TMEM132A: variants seen among roughly 807,000 people sequenced by gnomAD.
TMEM132A encodes GRP78-binding protein.
TMEM132A carries 48 observed loss-of-function variants against 69.9 expected under a neutral mutation model. The observed-to-expected ratio is 0.69, with a 90% CI of 0.55 to 0.87. The LOEUF (loss-of-function observed/expected upper bound fraction) is 0.87. Among genes scored for constraint, TMEM132A ranks in the 40% least tolerant of loss-of-function variants. TMEM132A has a pLI of 0.00. For synonymous variants in TMEM132A, 577 were observed against 613.7 expected (o/e 0.94, Z 0.88); for missense variants, 1,287 against 1,407.2 (o/e 0.91, Z 1.37).
In TMEM132A at chr11:60,936,648, CT is replaced by C; in HGVS notation, c.2814del (p.Gly939AlafsTer25). 1.9e-6 allele frequency: 3 copies of C among 1,555,058 alleles called. No homozygotes were observed. The highest frequency in any genetic ancestry group is 2.6e-6 in the Non-Finnish European group (3 of 1,151,968). On this transcript the variant is annotated frameshift_variant, in exon 11 of 11. Transcript: ENST00000453848. LOFTEE classifies it high-confidence loss of function. The part of the protein sequence containing the change: ...GGGGEAPTLA[P>X]GPPGGTTSSS... ...GGAGGGGAGGCCCCTACCCTGGCCC[CT>C]GGCCCTCCTGGGGGCACCACCAGCT...
At chr11:60,927,883 G>A in intron 3 of TMEM132A, 24 bp downstream of exon 3, 1 of 1,578,742 alleles carries the variant, frequency 6.3e-7, no homozygotes. Context: ...CCCCACCTAG[G>A]CTGGTCCTGC....
In TMEM132A at chr11:60,933,794, A is replaced by T. The variant is rs374437234; in HGVS notation, c.1559+50A>T. 3.6e-5 allele frequency: 54 copies of T among 1,503,036 alleles called. No individual in the cohort carries two copies. In the African/African-American group the frequency reaches 7.2e-4, roughly 20 times the overall value. The allele number at this position is 1,503,036 out of a possible 1,614,324, so 93.1% of individuals were successfully genotyped here. Reference sequence around the variant, plus strand: ...GCAGGCCTTGGCGAGTCACACTGGGACGGAGAGGGCGCAGGGGACACAGCC... The same window carrying T: ...GCAGGCCTTGGCGAGTCACACTGGGTCGGAGAGGGCGCAGGGGACACAGCC... On this transcript the variant is annotated intron_variant, in intron 8 of 10. Transcript: ENST00000453848.
chr11:60,935,857 C>T lies in TMEM132A; in HGVS notation c.2029-7C>T, dbSNP rs1376353941. On this transcript the variant is annotated splice_polypyrimidine_tract_variant and splice_region_variant and intron_variant, in intron 10 of 10. Coordinates refer to ENST00000453848, the MANE Select transcript of TMEM132A (RefSeq NM_178031.3). The surrounding 1 kb of genome is among the most constrained non-coding windows in gnomAD (Gnocchi z 5.0). ...CATGTCTCTGCCTGTGTCTGTGTGC[C>T]CCACAGGAGGTGGCCCTCTCCCTAT... The T allele has an allele frequency of 6.2e-7, 1 of 1,611,012 alleles. No homozygotes were observed. Among genetic ancestry groups the T allele is most frequent in the Non-Finnish European group, 8.5e-7 (1 of 1,179,542 alleles).
chr11:60,929,024 A>T lies in TMEM132A; in HGVS notation c.866+64A>T, dbSNP rs544722598. The stretch of plus-strand genomic sequence containing the variant: ...CTCTGTGGGAAGACTAGGGACAGGT[A>T]CCTGCTCCTCCTGGGGTCCTTGCTG... On this transcript the variant is annotated intron_variant, in intron 4 of 10. Transcript: ENST00000453848. 7 of 1,537,874 alleles carry T rather than the reference A, an allele frequency of 4.6e-6. No homozygotes were observed. In the South Asian group the frequency reaches 7.8e-5, roughly 17 times the overall value.
Position 60,933,622 on chromosome 11 carries a change from G to T in TMEM132A, c.1437G>T (p.Trp479Cys). 6.2e-7 allele frequency: 1 copy of T among 1,606,076 alleles called. No individual in the cohort carries two copies. The change falls in exon 8 of 11, where the codon TGG becomes TGT. Residue 479 changes from tryptophan (W) to cysteine (C), a missense_variant. By Grantham distance (215) the Trp-to-Cys change is radical (BLOSUM62 -2). Transcript: ENST00000453848. ...GGGGGGTGCGAGTGGACTTCTGGTG[G>T]CGCCGGCTCCGCGCCTCGCTGCGGC... ...GARGVRVDFWWRRLRASLRLT... is the reference protein window; with the variant it reads ...GARGVRVDFWCRRLRASLRLT...
At chr11:60,930,914 C>A (rs1590626113) in intron 5 of TMEM132A, among the ~76,000 whole-genome samples, 1 of 152,314 alleles carries the variant, frequency 6.6e-6, no homozygotes, top group East Asian at 1.9e-4. Flanking sequence ...AGATGCCAAC[C>A]AATCCTGTGC....
At chr11:60,931,608 A>G in intron 5 of TMEM132A, 81 bp from the exon 6 acceptor site, 22 of 1,375,094 alleles carry the variant, frequency 1.6e-5, no homozygotes, top group Non-Finnish European at 2.1e-5. Flanking sequence ...TAAAATGGGG[A>G]TAATCATGAA....
chr11:60,932,046 T>G lies in TMEM132A; in HGVS notation c.1275T>G (p.Leu425=). ...TGVPQHVPVR[L]VTVDGGGALV... The stretch of plus-strand genomic sequence containing the variant: ...TGCCCCAGCATGTCCCCGTGCGCCT[T>G]GTCACTGTGGACGGCGGGGGGGCCT... The change falls in exon 7 of 11, where the codon CTT becomes CTG. Residue 425 remains leucine, a synonymous_variant. Transcript: ENST00000453848. 1 of 1,595,650 alleles carries G rather than the reference T, an allele frequency of 6.3e-7. No homozygotes were observed. Among genetic ancestry groups the G allele is most frequent in the Non-Finnish European group, 8.5e-7 (1 of 1,171,718 alleles).
intron 3 of TMEM132A, 41 bp from the exon 4 acceptor site, chr11:60,928,588 C>A (rs751940856): frequency 6.4e-7 from 1 of 1,571,700 alleles, no homozygotes. Context: ...CCTCGCCCTG[C>A]ACCCACCCCC....
intron 1 of TMEM132A, chr11:60,925,211 TC>T (rs1027276871): frequency 6.5e-6 from 1 of 153,456 alleles, no homozygotes; most frequent in African/African-American, 2.4e-5. Flanking sequence ...CCCCCAGGGC[TC>T]CCTGACCTTG....
In TMEM132A at chr11:60,927,737, T is replaced by C. The variant is rs1856379353; in HGVS notation, c.412T>C (p.Tyr138His). 1 of 1,613,500 alleles carries C rather than the reference T, an allele frequency of 6.2e-7. No individual in the cohort carries two copies. The highest frequency in any genetic ancestry group is 8.5e-7 in the Non-Finnish European group (1 of 1,180,022). The change falls in exon 3 of 11, where the codon TAC (tyrosine) becomes CAC (histidine). Residue 138 changes from tyrosine to histidine, a missense_variant. Tyr to His is a moderately conservative substitution (Grantham distance 83). Coordinates refer to ENST00000453848, the MANE Select transcript of TMEM132A (RefSeq NM_178031.3). ...VEAAVTPAEPYARVLFHLKGQ... is the reference protein window; with the variant it reads ...VEAAVTPAEPHARVLFHLKGQ... ...AGCGGCTGTGACTCCAGCAGAGCCCTACGCCCGGGTTCTCTTCCACCTCAA... is the reference window on the plus strand; with the variant it reads ...AGCGGCTGTGACTCCAGCAGAGCCCCACGCCCGGGTTCTCTTCCACCTCAA...
In TMEM132A at chr11:60,933,690, C is replaced by T; in HGVS notation, c.1505C>T (p.Thr502Ile). Residue 502 changes from threonine (T) to isoleucine (I), a missense_variant, in exon 8 of 11, where the codon ACC becomes ATC. Coordinates refer to ENST00000453848, the MANE Select transcript of TMEM132A (RefSeq NM_178031.3). ...APLLPLRIEL[T>I]DTTLEQVRGW... ...CTGCTACCGCTGCGTATCGAGCTCACCGACACCACCCTCGAGCAGGTCCGC... is the reference window on the plus strand; with the variant it reads ...CTGCTACCGCTGCGTATCGAGCTCATCGACACCACCCTCGAGCAGGTCCGC... 3.1e-6 allele frequency: 5 copies of T among 1,603,168 alleles called. No homozygotes were observed. The highest frequency in any genetic ancestry group is 4.2e-6 in the Non-Finnish European group (5 of 1,177,082).
In TMEM132A at chr11:60,930,950, A is replaced by G. The variant is rs115759129; in HGVS notation, c.1016+291A>G. Among the ~76,000 whole-genome samples, 329 of 152,020 alleles carry G rather than the reference A, an allele frequency of 2.2e-3. 1 individual carries two copies. Among genetic ancestry groups the G allele is most frequent in the African/African-American group, 7.2e-3 (300 of 41,460 alleles). The stretch of plus-strand genomic sequence containing the variant: ...CCCAGGTAGAGCCCTCATAGCCACT[A>G]CTCCATCCCCCTGCTTCCACCAAAT... On this transcript the variant is annotated intron_variant, in intron 5 of 10. Coordinates refer to ENST00000453848, the MANE Select transcript of TMEM132A (RefSeq NM_178031.3).
In TMEM132A at chr11:60,933,539, T is replaced by A. The variant is rs764303940; in HGVS notation, c.1357-3T>A. The A allele has an allele frequency of 1.2e-6, 2 of 1,605,684 alleles. No individual in the cohort carries two copies. Among genetic ancestry groups the A allele is most frequent in the Admixed American group, 1.7e-5 (1 of 59,842 alleles). Reference sequence around the variant, plus strand: ...CGCCCACCTGCCCTCTGCCCTTCCATAGGTGTCTGAGGCCTGTGATGCCGT... The same window carrying A: ...CGCCCACCTGCCCTCTGCCCTTCCAAAGGTGTCTGAGGCCTGTGATGCCGT... On this transcript the variant is annotated splice_polypyrimidine_tract_variant and splice_region_variant and intron_variant, in intron 7 of 10. Transcript: ENST00000453848.
chr11:60,936,117 C>T lies in TMEM132A; in HGVS notation c.2282C>T (p.Thr761Ile), dbSNP rs1256223191. The T allele has an allele frequency of 5.0e-6, 8 of 1,613,186 alleles. No individual in the cohort carries two copies. The highest frequency in any genetic ancestry group is 3.3e-5 in the South Asian group (3 of 91,036). The change falls in exon 11 of 11, where the codon ACC becomes ATC. Residue 761 changes from threonine to isoleucine, a missense_variant. Coordinates refer to ENST00000453848, the MANE Select transcript of TMEM132A (RefSeq NM_178031.3). Reference sequence around the variant, plus strand: ...CACCGTGTGCCTCTGGCCTCTGGCACCGCCTGGCTGGGGCTGCCCCCTGCC... The same window carrying T: ...CACCGTGTGCCTCTGGCCTCTGGCATCGCCTGGCTGGGGCTGCCCCCTGCC... ...GRHRVPLASGTAWLGLPPAST... is the reference protein window; with the variant it reads ...GRHRVPLASGIAWLGLPPAST...
chr11:60,936,982 C>T lies in TMEM132A; in HGVS notation c.*75C>T. 7.3e-7 allele frequency: 1 copy of T among 1,362,254 alleles called. No homozygotes were observed. Among genetic ancestry groups the T allele is most frequent in the Non-Finnish European group, 9.8e-7 (1 of 1,025,056 alleles). 84.4% of individuals were successfully genotyped at this position (1,362,254 alleles called of 1,614,324 possible). On this transcript the variant is annotated 3_prime_UTR_variant, in exon 11 of 11. Transcript: ENST00000453848. ...GTCCCACTGAGCCTCTCGCCTGCCCCCGCCACTCGTCTGGTGCTTGTTGAT... is the reference window on the plus strand; with the variant it reads ...GTCCCACTGAGCCTCTCGCCTGCCCTCGCCACTCGTCTGGTGCTTGTTGAT...
Position 60,927,122 on chromosome 11 carries a change from C to T in TMEM132A, c.101-82C>T, listed in dbSNP as rs146679686. 2.8e-4 allele frequency: 320 copies of T among 1,147,038 alleles called. No homozygotes were observed. The African/African-American group carries it at 4.5e-3, about 16-fold the overall frequency. 71.1% of individuals were successfully genotyped at this position (1,147,038 alleles called of 1,614,324 possible). ...CCTTTTCTCCCTCCCTTGCCCACAA[C>T]TACTGTGCCCCAGCATGGCACCCGG... is the stretch of plus-strand genomic sequence containing the variant. On this transcript the variant is annotated intron_variant, in intron 1 of 10. Coordinates refer to ENST00000453848, the MANE Select transcript of TMEM132A (RefSeq NM_178031.3).
At position 60,934,712 on chromosome 11, in the gene TMEM132A, T is replaced by G. The variant is rs765463288; in HGVS notation, c.1784T>G (p.Leu595Arg). Residue 595 changes from leucine (L) to arginine (R), a missense_variant, in exon 9 of 11, where the codon CTG (leucine) becomes CGG (arginine). Transcript: ENST00000453848. The part of the protein sequence containing the change: ...ARVLDSRVAS[L>R]EGGRVVVGRE... ...GTGCTGGACTCGCGTGTAGCCTCTC[T>G]GGAGGGTGGCCGTGTCGTGGTGGGC... The G allele has an allele frequency of 1.2e-6, 2 of 1,607,850 alleles. No homozygotes were observed. The highest frequency in any genetic ancestry group is 1.7e-6 in the Non-Finnish European group (2 of 1,179,052).
chr11:60,931,276 G>GT (rs2134901938), intron 5 of TMEM132A, among the ~76,000 whole-genome samples: 1 of 152,344 alleles, frequency 6.6e-6, no homozygotes, highest in East Asian at 1.9e-4. Context: ...CAGCACATAG[G>GT]TTTTTGTTTG....
Sources: allele counts gnomAD v4.1 joint callset (sites outside exome capture counted in the v4.1 genomes callset), GRCh38; gene constraint gnomAD v4.1.1; non-coding constraint Gnocchi (gnomAD v3.1); transcripts MANE v1.5; gene names NCBI Gene and HGNC (gene_info 2026-07-23, HGNC 2026-07-21).